The following MEIOB variants were observed in gnomAD, a reference collection of about 807,000 sequenced individuals.
MEIOB encodes meiosis-specific with OB domain-containing protein.
Under a neutral mutation model 53.1 loss-of-function variants are expected in MEIOB, and 50 were observed. The ratio of observed to expected loss-of-function variants is 0.94; its 90% CI spans 0.75 to 1.19. The LOEUF (loss-of-function observed/expected upper bound fraction) is 1.19. MEIOB is among the 50% of genes most tolerant of loss of function. MEIOB has a pLI of 0.00. For missense variants in MEIOB, 551 were observed against 550.8 expected, an observed-to-expected ratio of 1.00 and a Z score of 0.00; for synonymous variants, 192 against 182.5, an observed-to-expected ratio of 1.05 and a Z score of -0.42.
Position 1,865,763 on chromosome 16 carries a change from T to TA in MEIOB, c.127+14dup. ...GTTGATGAAAAATGAAACCAAGAGT[T>TA]AAACAGAACTCAGCTTTTTCTGTCT... On this transcript the variant is annotated intron_variant, in intron 3 of 13. Transcript: ENST00000325962. 1 of 1,537,854 alleles carries TA rather than the reference T, an allele frequency of 6.5e-7. No individual in the cohort carries two copies. The highest frequency in any genetic ancestry group is 8.8e-7 in the Non-Finnish European group (1 of 1,139,330).
rs1898919230 is a variant in MEIOB at position 1,841,839 on chromosome 16, T to C, written c.1015A>G (p.Lys339Glu). Residue 339 changes from lysine to glutamate, a missense_variant, in exon 11 of 14, where the codon AAA becomes GAA. Coordinates refer to ENST00000325962, the MANE Select transcript of MEIOB (RefSeq NM_001163560.3). The stretch of plus-strand genomic sequence containing the variant: ...CCTTACCATCTATTTCGAACTACTT[T>C]TGTAGTTTCATCATCAATGTTGAGT... The part of the protein sequence containing the change: ...STLNIDDETT[K>E]VVRNRCSSCG... 6.3e-7 allele frequency: 1 copy of C among 1,585,926 alleles called. No homozygotes were observed.
chr16:1,868,938 T>A (rs1320288507), intron 1 of MEIOB, among the ~76,000 whole-genome samples: 1 of 152,136 alleles, frequency 6.6e-6, no homozygotes, highest in South Asian at 2.1e-4. Context: ...TTTATTATAA[T>A]GGTAAAATGT....
At chr16:1,855,569 C>T (rs1439821439) in intron 6 of MEIOB, among the ~76,000 whole-genome samples, 1 of 152,228 alleles carries the variant, frequency 6.6e-6, no homozygotes, top group Non-Finnish European at 1.5e-5. Context: ...GGGAAAGCTG[C>T]CGCAGTTTCC....
chr16:1,870,617 A>C (rs1899719580), intron 1 of MEIOB, among the ~76,000 whole-genome samples: 1 of 152,244 alleles, frequency 6.6e-6, no homozygotes, highest in Non-Finnish European at 1.5e-5. Context: ...AGTGTATACA[A>C]GATGCCTCGA....
In MEIOB at chr16:1,844,927, C is replaced by T. The variant is rs564132692; in HGVS notation, c.815G>A (p.Arg272Gln). The change falls in exon 10 of 14, where the codon CGA becomes CAA. Residue 272 changes from arginine (R) to glutamine (Q), a missense_variant. Transcript: ENST00000325962. ...PEANILLNFIRENKETNVLDD... is the reference protein window; with the variant it reads ...PEANILLNFIQENKETNVLDD... ...CAGAACATTCGTTTCTTTATTTTCT[C>T]GTATAAAATTCAGCAGAATGTTAGC... is the stretch of plus-strand genomic sequence containing the variant. 47 of 1,554,732 alleles carry T rather than the reference C, an allele frequency of 3.0e-5. No individual in the cohort carries two copies. The East Asian group carries it at 3.6e-4, about 12-fold the overall frequency.
chr16:1,849,912 G>T (rs1434888513), intron 9 of MEIOB, among the ~76,000 whole-genome samples: 2 of 152,134 alleles, frequency 1.3e-5, no homozygotes, highest in Admixed American at 1.3e-4. Flanking sequence ...GCTTGATTTA[G>T]CCATTCTGTA....
chr16:1,834,010 T>G lies in MEIOB; in HGVS notation c.*246A>C. 2.7e-6 allele frequency: 1 copy of G among 366,196 alleles called. No individual in the cohort carries two copies. Among genetic ancestry groups the G allele is most frequent in the South Asian group, 6.4e-5 (1 of 15,640 alleles). 22.7% of individuals were successfully genotyped at this position (366,196 alleles called of 1,614,324 possible). ...GTAGAAGATTAAATCTGTTTATTAA[T>G]TCATGTAAACATTTTCCAACTTGGG... On this transcript the variant is annotated 3_prime_UTR_variant, in exon 14 of 14. Transcript: ENST00000325962.
At chr16:1,851,633 C>T (rs1263158153) in intron 9 of MEIOB, among the ~76,000 whole-genome samples, 1 of 152,050 alleles carries the variant, frequency 6.6e-6, no homozygotes. Flanking sequence ...AAGGAGACAA[C>T]ATCCATGTGT....
rs531856398 is a variant in MEIOB at position 1,852,973 on chromosome 16, C to T, written c.778+66G>A. The T allele has an allele frequency of 3.2e-5, 31 of 956,478 alleles. No individual in the cohort carries two copies. The South Asian group carries it at 4.1e-4, about 13-fold the overall frequency. The allele number at this position is 956,478 out of a possible 1,614,324, so 59.2% of individuals were successfully genotyped here. On this transcript the variant is annotated intron_variant, in intron 9 of 13. Transcript: ENST00000325962. Reference sequence around the variant, plus strand: ...GGCTGAATTTTCATTCTTAAATATACTGTATAAATATTGAAATGTGTTCAG... The same window carrying T: ...GGCTGAATTTTCATTCTTAAATATATTGTATAAATATTGAAATGTGTTCAG...
chr16:1,838,583 A>G (rs1898811320), intron 12 of MEIOB, among the ~76,000 whole-genome samples: 1 of 152,238 alleles, frequency 6.6e-6, no homozygotes, highest in South Asian at 2.1e-4. Context: ...GGTGAAACAC[A>G]GCCAAATCTT....
intron 9 of MEIOB, among the ~76,000 whole-genome samples, chr16:1,848,416 C>T (rs1567275607): frequency 6.6e-6 from 1 of 152,130 alleles, no homozygotes; most frequent in Non-Finnish European, 1.5e-5. Flanking sequence ...TGTTACAGAA[C>T]ATGCCTTCAG....
In MEIOB at chr16:1,839,275, C is replaced by G; in HGVS notation, c.1198G>C (p.Glu400Gln). The G allele has an allele frequency of 2.5e-6, 4 of 1,611,848 alleles. No individual in the cohort carries two copies. The highest frequency in any genetic ancestry group is 3.4e-6 in the Non-Finnish European group (4 of 1,179,132). The change falls in exon 12 of 14, where the codon GAG (glutamate) becomes CAG (glutamine). Residue 400 changes from glutamate to glutamine, a missense_variant. Physicochemically the swap from Glu to Gln is conservative, Grantham distance 29 (BLOSUM62 2). Coordinates refer to ENST00000325962, the MANE Select transcript of MEIOB (RefSeq NM_001163560.3). ...HSCSLTGSVA[E>Q]ETLGCTVHEF... is the part of the protein sequence containing the mutation. ...TTTACCGTGCAGCCCAAAGTCTCCT[C>G]AGCAACACTTCCTGTGAGACTACAG... is the stretch of plus-strand genomic sequence containing the variant.
At chr16:1,848,544 C>CTTTTTTTTTTT in intron 9 of MEIOB, among the ~76,000 whole-genome samples, 1 of 129,742 alleles carries the variant, frequency 7.7e-6, no homozygotes, top group Non-Finnish European at 1.6e-5. Flanking sequence ...TTTTTTTTTC[C>CTTTTTTTTTTT]TTTTTTTTTT....
chr16:1,860,230 T>C (rs1596981362), intron 5 of MEIOB, among the ~76,000 whole-genome samples, 173 bp downstream of exon 5: 1 of 152,364 alleles, frequency 6.6e-6, no homozygotes. Context: ...CATGTGACTC[T>C]GTATCAAAGT....
chr16:1,865,210 T>C (rs954076800), intron 3 of MEIOB, among the ~76,000 whole-genome samples: 2 of 151,974 alleles, frequency 1.3e-5, no homozygotes, highest in African/African-American at 4.8e-5. Flanking sequence ...GGCAGGGAGA[T>C]CACTTGAGGT....
intron 1 of MEIOB, among the ~76,000 whole-genome samples, chr16:1,869,876 A>ATT (rs10681287): frequency 1.4e-5 from 2 of 140,414 alleles, no homozygotes. Context: ...AAAGGTAGTG[A>ATT]TTTTTTTTTT....
chr16:1,857,804 C>G lies in MEIOB; in HGVS notation c.459G>C (p.Leu153=), dbSNP rs1229248534. The part of the protein sequence containing the change: ...PVKESHDYYS[L]GDIVANGHSL... ...TGTGTCCATTTGCAACAATGTCACC[C>G]AGTGAATAATAATCATGAGACTCTT... The change falls in exon 6 of 14, where the codon CTG becomes CTC. Residue 153 remains leucine (L), a synonymous_variant. Transcript: ENST00000325962. 1 of 1,551,890 alleles carries G rather than the reference C, an allele frequency of 6.4e-7. No homozygotes were observed. The highest frequency in any genetic ancestry group is 8.7e-7 in the Non-Finnish European group (1 of 1,146,920).
chr16:1,853,237 A>G lies in MEIOB; in HGVS notation c.664T>C (p.Trp222Arg). 6.4e-7 allele frequency: 1 copy of G among 1,552,042 alleles called. No individual in the cohort carries two copies. Among genetic ancestry groups the G allele is most frequent in the Non-Finnish European group, 8.7e-7 (1 of 1,146,576 alleles). ...DNESILLAQS[W>R]MPRETVIFAS... is the part of the protein sequence containing the mutation. The stretch of plus-strand genomic sequence containing the variant: ...ATAATACCTGTTTCTCGTGGCATCC[A>G]GCTCTGTGCAAGTAGAATGGATTCA... Residue 222 changes from tryptophan to arginine, a missense_variant, in exon 8 of 14, where the codon TGG becomes CGG. Coordinates refer to ENST00000325962, the MANE Select transcript of MEIOB (RefSeq NM_001163560.3).
chr16:1,861,531 C>T (rs1462757998), intron 4 of MEIOB, among the ~76,000 whole-genome samples: 1 of 146,824 alleles, frequency 6.8e-6, no homozygotes, highest in Admixed American at 6.8e-5. Context: ...CCTCGCATTG[C>T]AGTCTTTTTT....
Sources: gnomAD v4.1 joint callset for allele counts (sites outside exome capture counted in the v4.1 genomes callset) on GRCh38, gnomAD v4.1.1 for gene constraint, MANE v1.5 for transcripts, NCBI Gene and HGNC (gene_info 2026-07-23, HGNC 2026-07-21) for gene names.